The following CDC73 variants were observed in gnomAD, a reference collection of about 807,000 sequenced individuals.
The protein encoded by CDC73 is cell division cycle 73.
In CDC73, 21 loss-of-function variants were observed where a neutral mutation model predicts 83.7. The ratio of observed to expected loss-of-function variants is 0.25; its 90% CI spans 0.18 to 0.36. The LOEUF (loss-of-function observed/expected upper bound fraction) is 0.36. CDC73 is among the 10% of genes least tolerant of loss of function. CDC73 has a pLI of 1.00. For synonymous variants in CDC73, 224 were observed against 212.9 expected, an observed-to-expected ratio of 1.05 and a Z score of -0.45; for missense variants, 342 against 653.3, an observed-to-expected ratio of 0.52 and a Z score of 5.19.
chr1:193,204,277 G>GTGTA (rs1484763023), intron 11 of CDC73, among the ~76,000 whole-genome samples: 34 of 131,258 alleles, frequency 2.6e-4, no homozygotes, highest in Middle Eastern at 4.2e-3. Context: ...GTGTGTGTGT[G>GTGTA]TATATATATA....
intron 11 of CDC73, among the ~76,000 whole-genome samples, chr1:193,211,477 A>G (rs1677279868): frequency 6.6e-6 from 1 of 152,064 alleles, no homozygotes; most frequent in Non-Finnish European, 1.5e-5. Context: ...AGAGATTTTC[A>G]CCTTTTCACC....
intron 10 of CDC73, chr1:193,179,590 A>C (rs996771968): frequency 6.6e-6 from 1 of 152,620 alleles, no homozygotes; most frequent in African/African-American, 2.4e-5. Context: ...ACATTTAATA[A>C]CTATAAAAAC....
At chr1:193,242,581 GTTC>G (rs1005962936) in intron 15 of CDC73, among the ~76,000 whole-genome samples, 5 of 152,166 alleles carry the variant, frequency 3.3e-5, no homozygotes, top group Non-Finnish European at 5.9e-5. Context: ...ACAGAAGGTG[GTTC>G]TTCTTTTTGG....
chr1:193,133,048 C>T (rs1675724254), intron 3 of CDC73, among the ~76,000 whole-genome samples: 2 of 151,896 alleles, frequency 1.3e-5, no homozygotes, highest in South Asian at 4.2e-4. Flanking sequence ...ACTACAGGCG[C>T]CTGCCACCAC....
intron 15 of CDC73, among the ~76,000 whole-genome samples, chr1:193,249,357 G>A (rs1331667037): frequency 2.6e-5 from 4 of 151,968 alleles, no homozygotes; most frequent in Admixed American, 2.0e-4. Flanking sequence ...ACGTAACTAC[G>A]TAACTTTTAT....
intron 3 of CDC73, among the ~76,000 whole-genome samples, 180 bp from the exon 4 acceptor site, chr1:193,135,211 C>G (rs1040801465): frequency 3.9e-5 from 6 of 152,056 alleles, no homozygotes; most frequent in Non-Finnish European, 8.8e-5. Context: ...TAGAGACTTT[C>G]TAGTATAGAT....
intron 7 of CDC73, among the ~76,000 whole-genome samples, chr1:193,145,955 G>A (rs1006487474): frequency 1.3e-5 from 2 of 152,090 alleles, no homozygotes; most frequent in African/African-American, 4.8e-5. Context: ...TAATTATTAC[G>A]TACATTATAG....
chr1:193,156,796 C>T (rs1007740606), intron 10 of CDC73, among the ~76,000 whole-genome samples: 6 of 152,060 alleles, frequency 3.9e-5, no homozygotes, highest in African/African-American at 1.2e-4. Context: ...AAGCTGTTTT[C>T]CTTGGGGTTC....
chr1:193,235,281 C>A (rs987783473), intron 14 of CDC73, among the ~76,000 whole-genome samples: 1 of 152,098 alleles, frequency 6.6e-6, no homozygotes, highest in Non-Finnish European at 1.5e-5. Context: ...GTACTTCTAC[C>A]TTCCTCCTTT....
intron 7 of CDC73, 138 bp from the exon 8 acceptor site, chr1:193,147,729 A>G (rs569032894): frequency 3.0e-6 from 2 of 662,114 alleles, no homozygotes; most frequent in Admixed American, 2.3e-5. Flanking sequence ...TGGTTTTTAC[A>G]TATGTGTATA....
intron 9 of CDC73, among the ~76,000 whole-genome samples, chr1:193,150,663 G>C (rs1234238746): frequency 6.6e-6 from 1 of 152,156 alleles, no homozygotes; most frequent in Non-Finnish European, 1.5e-5. Flanking sequence ...GCCCTTTACA[G>C]AAAAAAAGTT....
chr1:193,242,937 TTTC>T (rs764891987), intron 15 of CDC73, among the ~76,000 whole-genome samples: 120 of 151,858 alleles, frequency 7.9e-4, no homozygotes, highest in Admixed American at 2.9e-3. Context: ...TTTATTTCTT[TTTC>T]TTCTTCTTCT....
At chr1:193,215,679 T>C (rs1191043736) in intron 13 of CDC73, among the ~76,000 whole-genome samples, 7 of 147,978 alleles carry the variant, frequency 4.7e-5, no homozygotes, top group African/African-American at 1.5e-4. Flanking sequence ...AACCTCTGCC[T>C]CCTGGGCTCA....
rs188015996 is a variant in CDC73, at chr1:193,254,805, A to G, written c.*4093A>G. ...TGAAATAAAACTAGTTTTATTGCCA[A>G]AATTCAAAAAGTGGGGTTCATGCTA... On this transcript the variant is annotated 3_prime_UTR_variant, in exon 17 of 17. Coordinates refer to ENST00000367435, the MANE Select transcript of CDC73 (RefSeq NM_024529.5). 7.0e-4 allele frequency among the ~76,000 whole-genome samples: 106 copies of G among 152,322 alleles called. No homozygotes were observed. Among genetic ancestry groups the G allele is most frequent in the African/African-American group, 2.2e-3 (93 of 41,576 alleles).
intron 10 of CDC73, among the ~76,000 whole-genome samples, chr1:193,172,835 G>T (rs1373521199): frequency 6.6e-6 from 1 of 152,164 alleles, no homozygotes; most frequent in Non-Finnish European, 1.5e-5. Context: ...AACCATTGCT[G>T]TATCTAATAC....
intron 10 of CDC73, among the ~76,000 whole-genome samples, chr1:193,188,971 G>A (rs1392235091): frequency 1.0e-5 from 1 of 95,726 alleles, no homozygotes. Context: ...TTTTTTTTTT[G>A]GAGACAGAGT....
At chr1:193,177,904 T>C (rs80350042) in intron 10 of CDC73, among the ~76,000 whole-genome samples, 2 of 152,236 alleles carry the variant, frequency 1.3e-5, no homozygotes, top group Admixed American at 1.3e-4. Flanking sequence ...ATAAGTATTC[T>C]AAGTATTGAA....
intron 14 of CDC73, among the ~76,000 whole-genome samples, chr1:193,234,175 TCA>T (rs71111461): frequency 0.066 from 6,641 of 101,164 alleles, 186 homozygotes; most frequent in Non-Finnish European, 0.078. Flanking sequence ...TCTCTCTCTC[TCA>T]CACACACACA....
intron 15 of CDC73, among the ~76,000 whole-genome samples, chr1:193,241,368 A>G (rs1159003151): frequency 6.6e-6 from 1 of 152,232 alleles, no homozygotes; most frequent in African/African-American, 2.4e-5. Flanking sequence ...CAGGCAGGCT[A>G]TTCCTTGGGC....
Sources: allele counts gnomAD v4.1 joint callset (sites outside exome capture counted in the v4.1 genomes callset), GRCh38; gene constraint gnomAD v4.1.1; transcripts MANE v1.5; gene names NCBI Gene and HGNC (gene_info 2026-07-23, HGNC 2026-07-21).